The following ETS1 variants were observed in gnomAD, a reference collection of about 807,000 sequenced individuals.
ETS1 encodes the protein ETS proto-oncogene 1, transcription factor.
In ETS1, 15 loss-of-function variants were observed where a neutral mutation model predicts 58.6. That is an observed-to-expected ratio of 0.26 (90% CI 0.17 to 0.39). ETS1 has a LOEUF of 0.39. ETS1 is among the 10% of genes least tolerant of loss of function. The probability of loss-of-function intolerance (pLI) is 1.00; values close to 1 mark genes in which losing one functional copy is unlikely to be tolerated. For missense variants in ETS1, 417 were observed against 610.5 expected, an observed-to-expected ratio of 0.68 and a Z score of 3.34; for synonymous variants, 214 against 218.2, an observed-to-expected ratio of 0.98 and a Z score of 0.17.
At chr11:128,520,789 G>A (rs967172383) in intron 3 of ETS1, among the ~76,000 whole-genome samples, 1 of 152,198 alleles carries the variant, frequency 6.6e-6, no homozygotes, top group Non-Finnish European at 1.5e-5. Flanking sequence ...CAAAACATCA[G>A]TATGGTTGTG....
intron 3 of ETS1, among the ~76,000 whole-genome samples, chr11:128,516,298 T>C (rs1863521939): frequency 6.6e-6 from 1 of 152,206 alleles, no homozygotes; most frequent in Admixed American, 6.5e-5. Flanking sequence ...GATTTGGGAA[T>C]AGCCTTGACA....
At position 128,484,888 on chromosome 11, in the gene ETS1, T is replaced by C; in HGVS notation, c.797A>G (p.Asp266Gly). 6.2e-7 allele frequency: 1 copy of C among 1,613,918 alleles called. No homozygotes were observed. The highest frequency in any genetic ancestry group is 1.1e-5 in the South Asian group (1 of 91,056). ...GACTTCTTGTTTGATAGCAAAGTAGTCATTCTGCAAGGTGTCTGTCTGGAG... is the reference window on the plus strand; with the variant it reads ...GACTTCTTGTTTGATAGCAAAGTAGCCATTCTGCAAGGTGTCTGTCTGGAG... ...DPLQTDTLQN[D>G]YFAIKQEVVT... Residue 266 changes from aspartate to glycine, a missense_variant, in exon 7 of 10, where the codon GAC (aspartate) becomes GGC (glycine). Asp to Gly is a moderately conservative substitution (Grantham distance 94). Around this residue, in one of 4 missense-constraint regions of ETS1, gnomAD observed 139 missense variants for 152.1 expected, o/e 0.91. Coordinates refer to ENST00000392668, the MANE Select transcript of ETS1 (RefSeq NM_001143820.2).
intron 8 of ETS1, among the ~76,000 whole-genome samples, chr11:128,468,083 TGAA>T (rs781580746): frequency 1.8e-4 from 27 of 152,208 alleles, no homozygotes; most frequent in Non-Finnish European, 2.6e-4. Context: ...CTACAAGCTC[TGAA>T]GAAGAAATAC....
At chr11:128,552,161 G>A (rs1384939847) in intron 3 of ETS1, among the ~76,000 whole-genome samples, 1 of 152,102 alleles carries the variant, frequency 6.6e-6, no homozygotes, top group African/African-American at 2.4e-5. Context: ...CGGAAACTGG[G>A]TTACAAGATT....
At chr11:128,482,887 C>T (rs1004251885) in intron 7 of ETS1, among the ~76,000 whole-genome samples, 2 of 152,174 alleles carry the variant, frequency 1.3e-5, no homozygotes, top group African/African-American at 4.8e-5. Flanking sequence ...CACCCAGCCA[C>T]CCACTGAGTA....
intron 8 of ETS1, among the ~76,000 whole-genome samples, chr11:128,467,959 C>T (rs1056229533): frequency 2.0e-5 from 3 of 152,192 alleles, no homozygotes; most frequent in African/African-American, 7.2e-5. Context: ...TCCCTCTCCA[C>T]CCTCCCTCTC....
chr11:128,478,266 A>C (rs1254018207), intron 8 of ETS1, among the ~76,000 whole-genome samples: 1 of 143,672 alleles, frequency 7.0e-6, no homozygotes, highest in Non-Finnish European at 1.5e-5. Context: ...AAAGAAGGAA[A>C]GGAGGGAGGA....
chr11:128,519,390 A>C (rs998517905), intron 3 of ETS1, among the ~76,000 whole-genome samples: 1 of 152,210 alleles, frequency 6.6e-6, no homozygotes, highest in African/African-American at 2.4e-5. Flanking sequence ...TTAATCATTT[A>C]AGCCAGATAA....
intron 2 of ETS1, among the ~76,000 whole-genome samples, chr11:128,558,649 CAA>C (rs201114905): frequency 9.7e-6 from 1 of 103,406 alleles, no homozygotes; most frequent in African/African-American, 3.5e-5. Context: ...ATATCCATCC[CAA>C]AAAAAAAAAA....
At chr11:128,531,950 C>T (rs1157346835) in intron 3 of ETS1, among the ~76,000 whole-genome samples, 1 of 152,202 alleles carries the variant, frequency 6.6e-6, no homozygotes, top group African/African-American at 2.4e-5. Context: ...AAGTCTTTTT[C>T]TATGTTATTG....
chr11:128,477,791 C>T (rs1359077142), intron 8 of ETS1, among the ~76,000 whole-genome samples: 1 of 152,140 alleles, frequency 6.6e-6, no homozygotes, highest in Non-Finnish European at 1.5e-5. Flanking sequence ...ACTCAATATG[C>T]GCTCAAACAT....
intron 3 of ETS1, among the ~76,000 whole-genome samples, chr11:128,528,357 G>T (rs1422687043): frequency 1.3e-5 from 2 of 152,128 alleles, no homozygotes; most frequent in Non-Finnish European, 2.9e-5. Context: ...CACAAGGGAA[G>T]GTCAAGCTGA....
At position 128,553,584 on chromosome 11, in the gene ETS1, G is replaced by A. The variant is rs76269920; in HGVS notation, c.214+2707C>T. Among the ~76,000 whole-genome samples, 5 of 151,630 alleles carry A rather than the reference G, an allele frequency of 3.3e-5. No homozygotes were observed. In the South Asian group the frequency reaches 8.3e-4, roughly 25 times the overall value. The stretch of plus-strand genomic sequence containing the variant: ...CATCTATTTTGTCCAATCGATTCCC[G>A]ACAGACCTTGGCGCTTTAGTATTCT... On this transcript the variant is annotated intron_variant, in intron 3 of 9. Coordinates refer to ENST00000392668, the MANE Select transcript of ETS1 (RefSeq NM_001143820.2).
chr11:128,578,112 A>T (rs373795179), intron 1 of ETS1, among the ~76,000 whole-genome samples: 4 of 152,184 alleles, frequency 2.6e-5, no homozygotes, highest in African/African-American at 9.7e-5. Flanking sequence ...TTCTTCATAG[A>T]GCGAGTGACC....
Position 128,461,448 on chromosome 11 carries a change from C to G in ETS1, c.*913G>C, listed in dbSNP as rs1353478660. 2 of 152,834 alleles carry G rather than the reference C, an allele frequency of 1.3e-5. No individual in the cohort carries two copies. The allele number at this position is 152,834 out of a possible 1,614,324, so 9.5% of individuals were successfully genotyped here. ...AGTTCAAAGACTTAATGCTTCTTAG[C>G]TCAACATTAAGTCCAAACCCCGAGA... On this transcript the variant is annotated 3_prime_UTR_variant, in exon 10 of 10. Coordinates refer to ENST00000392668, the MANE Select transcript of ETS1 (RefSeq NM_001143820.2).
At chr11:128,566,667 C>T (rs1864506081) in intron 2 of ETS1, among the ~76,000 whole-genome samples, 3 of 151,844 alleles carry the variant, frequency 2.0e-5, no homozygotes, top group Non-Finnish European at 4.4e-5. Flanking sequence ...CCTGTAGTCC[C>T]AGCTACTCAG....
intron 3 of ETS1, among the ~76,000 whole-genome samples, chr11:128,507,802 C>T (rs376802929): frequency 3.9e-5 from 6 of 152,176 alleles, no homozygotes; most frequent in Non-Finnish European, 7.3e-5. Context: ...CAGGAAATGA[C>T]GCCTGGGAGA....
chr11:128,547,779 C>A (rs1171220921), intron 3 of ETS1, among the ~76,000 whole-genome samples: 1 of 152,142 alleles, frequency 6.6e-6, no homozygotes, highest in East Asian at 1.9e-4. Context: ...GTGGGAGAAG[C>A]GTATCCCTAT....
intron 8 of ETS1, among the ~76,000 whole-genome samples, chr11:128,471,412 T>C (rs1862184682): frequency 6.6e-6 from 1 of 152,238 alleles, no homozygotes; most frequent in South Asian, 2.1e-4. Flanking sequence ...AGTACACATG[T>C]GTGGGGGCGG....
Sources: gnomAD v4.1 joint callset for allele counts (sites outside exome capture counted in the v4.1 genomes callset) on GRCh38, gnomAD v4.1.1 for gene constraint, gnomAD v4.1.1 regional missense constraint, MANE v1.5 for transcripts, NCBI Gene and HGNC (gene_info 2026-07-23, HGNC 2026-07-21) for gene names.